The following NELL1 variants were observed in gnomAD, a reference collection of about 807,000 sequenced individuals.
The protein encoded by NELL1 is protein kinase C-binding protein NELL1.
Under a neutral mutation model 107.4 loss-of-function variants are expected in NELL1, and 76 were observed. That is an observed-to-expected ratio of 0.71 (90% confidence interval 0.59 to 0.86). The LOEUF is 0.86. Among genes scored for constraint, NELL1 ranks in the 40% least tolerant of loss-of-function variants. The probability of loss-of-function intolerance (pLI) is 0.00; values close to 1 mark genes in which losing one functional copy is unlikely to be tolerated. For missense variants in NELL1, 1,024 were observed against 1,005.5 expected (o/e 1.02, Z -0.25); for synonymous variants, 353 against 341.2 (o/e 1.03, Z -0.38).
intron 2 of NELL1, among the ~76,000 whole-genome samples, chr11:20,756,981 G>T (rs189403563): frequency 1.1e-3 from 161 of 152,218 alleles, no homozygotes; most frequent in African/African-American, 3.7e-3. Context: ...AACTAAGACT[G>T]TTCAGACTGG....
At chr11:21,448,664 G>A (rs1008711006) in intron 15 of NELL1, among the ~76,000 whole-genome samples, 22 of 152,196 alleles carry the variant, frequency 1.4e-4, no homozygotes, top group African/African-American at 4.1e-4. Context: ...GCACAATCAC[G>A]ATGATGAAAA....
chr11:20,872,476 C>T (rs1849220721), intron 4 of NELL1, among the ~76,000 whole-genome samples: 1 of 152,098 alleles, frequency 6.6e-6, no homozygotes, highest in South Asian at 2.1e-4. Flanking sequence ...CCACATGGGG[C>T]CAGGCTGGCA....
intron 5 of NELL1, among the ~76,000 whole-genome samples, chr11:20,915,717 A>ATATATATATATATATATATATAT: frequency 1.1e-3 from 63 of 58,224 alleles, no homozygotes; most frequent in Non-Finnish European, 1.3e-3. Flanking sequence ...ATATATATAT[A>ATATATATATATATATATATATAT]TTTTTTTTTT....
At chr11:20,769,685 G>A (rs997519360) in intron 2 of NELL1, 1 of 152,458 alleles carries the variant, frequency 6.6e-6, no homozygotes, top group Non-Finnish European at 1.5e-5. Context: ...TGGGCCTTGA[G>A]AGATGCGCAG....
chr11:21,326,331 G>A (rs1478272332), intron 14 of NELL1, among the ~76,000 whole-genome samples: 1 of 151,074 alleles, frequency 6.6e-6, no homozygotes, highest in African/African-American at 2.4e-5. Context: ...ACGATTTGCG[G>A]TATTTCACTT....
chr11:20,895,440 A>C (rs1189546839), intron 5 of NELL1, among the ~76,000 whole-genome samples: 2 of 137,206 alleles, frequency 1.5e-5, no homozygotes, highest in Non-Finnish European at 1.6e-5. Flanking sequence ...CTATCTTTCC[A>C]CTCTCTAGCT....
intron 12 of NELL1, among the ~76,000 whole-genome samples, chr11:20,998,851 C>G (rs1001252715): frequency 2.0e-5 from 3 of 152,186 alleles, no homozygotes; most frequent in Admixed American, 6.5e-5. Flanking sequence ...CTCTTACATT[C>G]ATGTAAAAAT....
chr11:21,099,619 C>T (rs533985676), intron 12 of NELL1, among the ~76,000 whole-genome samples: 61 of 152,270 alleles, frequency 4.0e-4, no homozygotes, highest in Admixed American at 2.9e-3. Context: ...AGGCATAAGA[C>T]GTGGTGCAAG....
At chr11:21,248,928 T>C (rs1858566816) in intron 14 of NELL1, among the ~76,000 whole-genome samples, 1 of 152,022 alleles carries the variant, frequency 6.6e-6, no homozygotes, top group Non-Finnish European at 1.5e-5. Flanking sequence ...TGGAAGAACA[T>C]GATGACAGGG....
chr11:21,236,126 C>T (rs1229236080), intron 14 of NELL1, among the ~76,000 whole-genome samples: 1 of 152,112 alleles, frequency 6.6e-6, no homozygotes, highest in Non-Finnish European at 1.5e-5. Flanking sequence ...TTAATTCTAT[C>T]CTCTCTTCTT....
In NELL1 at chr11:21,179,165, C is replaced by T. The variant is rs556899098; in HGVS notation, c.1427-50167C>T. ...TGCTCATTATCAGATAAACAGCTGA[C>T]AGCTTCTCCATGGAAAAGTTGGGCT... On this transcript the variant is annotated intron_variant, in intron 13 of 19. Coordinates refer to ENST00000357134, the MANE Select transcript of NELL1 (RefSeq NM_006157.5). Among the ~76,000 whole-genome samples the T allele has an allele frequency of 4.5e-4, 68 of 151,840 alleles. 1 individual carries two copies. The highest frequency in any genetic ancestry group is 8.5e-4 in the Admixed American group (13 of 15,270).
chr11:21,147,861 A>AAAAAAG (rs1856020150), intron 13 of NELL1, among the ~76,000 whole-genome samples: 5 of 147,110 alleles, frequency 3.4e-5, no homozygotes, highest in Admixed American at 1.3e-4. Flanking sequence ...AAAAAAAAAA[A>AAAAAAG]AAAAGAAAAG....
intron 12 of NELL1, among the ~76,000 whole-genome samples, chr11:20,988,124 A>T (rs558233834): frequency 6.6e-6 from 1 of 152,194 alleles, no homozygotes; most frequent in Non-Finnish European, 1.5e-5. Flanking sequence ...TTGAAATTTC[A>T]TATCATTTAA....
chr11:20,765,608 C>A (rs903615779), intron 2 of NELL1, among the ~76,000 whole-genome samples: 2 of 151,924 alleles, frequency 1.3e-5, no homozygotes, highest in African/African-American at 4.8e-5. Flanking sequence ...GTGTTTCAGG[C>A]AAAATAATGG....
intron 2 of NELL1, among the ~76,000 whole-genome samples, chr11:20,690,701 T>G (rs1239326059): frequency 6.6e-6 from 1 of 152,138 alleles, no homozygotes; most frequent in Non-Finnish European, 1.5e-5. Flanking sequence ...TAGCATAGTT[T>G]GAAGTCAGGT....
intron 13 of NELL1, among the ~76,000 whole-genome samples, chr11:21,133,435 T>A (rs1473167231): frequency 6.6e-6 from 1 of 152,140 alleles, no homozygotes; most frequent in Non-Finnish European, 1.5e-5. Flanking sequence ...GGAGCCTGTC[T>A]GCCTCTTGCC....
chr11:21,312,667 G>GT (rs150040951), intron 14 of NELL1, among the ~76,000 whole-genome samples: 2,623 of 152,184 alleles, frequency 0.017, 87 homozygotes, highest in African/African-American at 0.06. Context: ...TGTAGATTAA[G>GT]TCTCAGCAAT....
At chr11:21,132,992 G>T (rs1590666478) in intron 13 of NELL1, among the ~76,000 whole-genome samples, 1 of 152,172 alleles carries the variant, frequency 6.6e-6, no homozygotes, top group African/African-American at 2.4e-5. Context: ...GATCCTTTCT[G>T]CAGGCAGGTC....
intron 15 of NELL1, among the ~76,000 whole-genome samples, chr11:21,488,616 A>T (rs987683353): frequency 5.3e-5 from 8 of 152,292 alleles, no homozygotes; most frequent in East Asian, 3.9e-4. Context: ...AGAAAACTAG[A>T]AATCAATACC....
Sources: allele counts gnomAD v4.1 joint callset (sites outside exome capture counted in the v4.1 genomes callset), GRCh38; gene constraint gnomAD v4.1.1; transcripts MANE v1.5; gene names NCBI Gene and HGNC (gene_info 2026-07-23, HGNC 2026-07-21).